The following OLFM3 variants were observed in gnomAD, a reference collection of about 807,000 sequenced individuals.
OLFM3 encodes olfactomedin 3, also known as noelin-3.
OLFM3 carries 20 observed loss-of-function variants against 48.6 expected under a neutral mutation model. The ratio of observed to expected loss-of-function variants is 0.41; its 90% CI spans 0.29 to 0.60. OLFM3 has a LOEUF of 0.60. Ranked by LOEUF, OLFM3 falls within the 20% of genes least tolerant of loss-of-function variation. The pLI is 0.28. For missense variants in OLFM3, 437 were observed against 544.3 expected (o/e 0.80, Z 1.96); for synonymous variants, 222 against 198.1 (o/e 1.12, Z -1.01).
chr1:101,896,676 T>A (rs1658217798), intron 1 of OLFM3, among the ~76,000 whole-genome samples: 1 of 146,122 alleles, frequency 6.8e-6, no homozygotes, highest in Admixed American at 6.8e-5. Context: ...TTGTATTTTT[T>A]TTTTTTTTTT....
intron 1 of OLFM3, among the ~76,000 whole-genome samples, chr1:101,920,738 G>A (rs1033867451): frequency 3.9e-5 from 6 of 152,162 alleles, no homozygotes. Flanking sequence ...TGTATCAGCT[G>A]TCCTCAGAGT....
intron 1 of OLFM3, among the ~76,000 whole-genome samples, chr1:101,971,765 T>C (rs577609153): frequency 1.3e-5 from 2 of 152,288 alleles, no homozygotes; most frequent in East Asian, 3.9e-4. Flanking sequence ...TTTCTCTTTG[T>C]TCACTTATTA....
At chr1:101,979,119 C>T (rs1048457662) in intron 1 of OLFM3, among the ~76,000 whole-genome samples, 1 of 152,118 alleles carries the variant, frequency 6.6e-6, no homozygotes, top group Admixed American at 6.5e-5. Context: ...ATAATACATT[C>T]TCTTAGACAT....
chr1:101,969,795 T>C (rs1660731010), intron 1 of OLFM3, among the ~76,000 whole-genome samples: 1 of 152,066 alleles, frequency 6.6e-6, no homozygotes, highest in South Asian at 2.1e-4. Flanking sequence ...GAGAAGGATG[T>C]CAATCAGAAT....
intron 1 of OLFM3, among the ~76,000 whole-genome samples, chr1:101,862,494 T>C (rs373776678): frequency 2.0e-5 from 3 of 152,174 alleles, no homozygotes; most frequent in East Asian, 3.8e-4. Context: ...AAATATACCA[T>C]AATAAGACAG....
intron 1 of OLFM3, among the ~76,000 whole-genome samples, chr1:101,873,774 C>G (rs540398450): frequency 7.3e-5 from 11 of 151,650 alleles, no homozygotes; most frequent in Admixed American, 4.0e-4. Flanking sequence ...TCAGTTTTCT[C>G]TAGTGTAGAA....
At chr1:101,877,148 C>CGAG (rs1657333723) in intron 1 of OLFM3, among the ~76,000 whole-genome samples, 1 of 105,142 alleles carries the variant, frequency 9.5e-6, no homozygotes, top group East Asian at 2.3e-4. Context: ...CAATATCTGA[C>CGAG]TATAAATGAT....
chr1:101,898,631 T>C (rs916388646), intron 1 of OLFM3, among the ~76,000 whole-genome samples: 1 of 152,218 alleles, frequency 6.6e-6, no homozygotes. Flanking sequence ...GGTGGATTAC[T>C]TGGGGCCAAG....
chr1:101,859,138 G>A (rs1402430806), intron 1 of OLFM3, among the ~76,000 whole-genome samples: 1 of 151,904 alleles, frequency 6.6e-6, no homozygotes, highest in Non-Finnish European at 1.5e-5. Flanking sequence ...AAGGAAGAGA[G>A]GAAATAGAGT....
At chr1:101,868,771 C>T (rs1405912020) in intron 1 of OLFM3, among the ~76,000 whole-genome samples, 2 of 152,192 alleles carry the variant, frequency 1.3e-5, no homozygotes, top group East Asian at 1.9e-4. Context: ...GCCCAGGCTT[C>T]CCCTTCTGTA....
At chr1:101,872,401 A>G (rs1202425630) in intron 1 of OLFM3, among the ~76,000 whole-genome samples, 1 of 152,068 alleles carries the variant, frequency 6.6e-6, no homozygotes, top group Non-Finnish European at 1.5e-5. Context: ...TTAATGGTAT[A>G]TTAAAAAGGT....
intron 1 of OLFM3, among the ~76,000 whole-genome samples, chr1:101,980,246 G>A (rs939218005): frequency 6.6e-6 from 1 of 152,102 alleles, no homozygotes; most frequent in South Asian, 2.1e-4. Context: ...GGGGACTGTC[G>A]GGAAGGCATG....
chr1:101,858,263 T>G (rs1221453137), intron 1 of OLFM3, among the ~76,000 whole-genome samples: 1 of 152,078 alleles, frequency 6.6e-6, no homozygotes, highest in Admixed American at 6.6e-5. Flanking sequence ...CAAAAATATA[T>G]GTAGAATTAT....
intron 1 of OLFM3, among the ~76,000 whole-genome samples, chr1:101,953,478 C>T (rs889494960): frequency 3.3e-5 from 5 of 152,166 alleles, no homozygotes; most frequent in African/African-American, 1.2e-4. Context: ...ATTTTAAAGA[C>T]TCCTACACTA....
chr1:101,967,121 AT>A (rs1299574761), intron 1 of OLFM3, among the ~76,000 whole-genome samples: 2 of 152,250 alleles, frequency 1.3e-5, no homozygotes, highest in Non-Finnish European at 2.9e-5. Flanking sequence ...TATACTACCT[AT>A]CTCTTTTAGG....
intron 1 of OLFM3, among the ~76,000 whole-genome samples, chr1:101,945,920 G>T (rs1659951394): frequency 6.6e-6 from 1 of 152,116 alleles, no homozygotes. Flanking sequence ...TTATAATGAG[G>T]TGAATGTATT....
intron 1 of OLFM3, among the ~76,000 whole-genome samples, chr1:101,937,299 T>C (rs1219682817): frequency 6.6e-6 from 1 of 152,198 alleles, no homozygotes; most frequent in East Asian, 1.9e-4. Flanking sequence ...TGAAGTGACA[T>C]TTTTGCTGTT....
At chr1:101,843,925 C>A (rs147980678) in intron 1 of OLFM3, among the ~76,000 whole-genome samples, 1 of 152,020 alleles carries the variant, frequency 6.6e-6, no homozygotes, top group Non-Finnish European at 1.5e-5. Flanking sequence ...CCTGCGTGTG[C>A]GTGTGCGTGT....
chr1:101,835,234 T>G (rs1413390771), intron 2 of OLFM3, among the ~76,000 whole-genome samples: 2 of 152,208 alleles, frequency 1.3e-5, no homozygotes, highest in East Asian at 3.8e-4. Context: ...GATTAGATCT[T>G]TTTACTAATG....
Sources: gnomAD v4.1 joint callset for allele counts (sites outside exome capture counted in the v4.1 genomes callset) on GRCh38, gnomAD v4.1.1 for gene constraint, MANE v1.5 for transcripts, NCBI Gene and HGNC (gene_info 2026-07-23, HGNC 2026-07-21) for gene names.